FBXO45: variants seen among roughly 807,000 people sequenced by gnomAD.
FBXO45 encodes the protein F-box/SPRY domain-containing protein 1.
FBXO45 carries 3 observed loss-of-function variants against 25.5 expected under a neutral mutation model. That is an observed-to-expected ratio of 0.12 (90% CI 0.05 to 0.30). The LOEUF is 0.30. FBXO45 is among the 10% of genes least tolerant of loss of function. The pLI, the probability that FBXO45 is intolerant of heterozygous loss-of-function variation, is 1.00. For missense variants in FBXO45, 219 were observed against 365.0 expected (o/e 0.60, Z 3.26); for synonymous variants, 155 against 149.8 (o/e 1.03, Z -0.25).
intron 2 of FBXO45, among the ~76,000 whole-genome samples, chr3:196,582,651 G>A (rs1736033183): frequency 6.6e-6 from 1 of 151,446 alleles, no homozygotes; most frequent in Admixed American, 6.6e-5. Flanking sequence ...TTTCCAAATG[G>A]GAAAAAACTG....
intron 1 of FBXO45, among the ~76,000 whole-genome samples, chr3:196,576,452 A>G (rs1445396435): frequency 6.6e-6 from 1 of 152,160 alleles, no homozygotes; most frequent in Non-Finnish European, 1.5e-5. Context: ...GAAGACTGAG[A>G]TGGGAGTATC....
intron 2 of FBXO45, among the ~76,000 whole-genome samples, chr3:196,578,680 C>G (rs1337208077): frequency 6.6e-6 from 1 of 152,094 alleles, no homozygotes; most frequent in African/African-American, 2.4e-5. Flanking sequence ...TGTAGTTTGC[C>G]AGTTCATGCT....
chr3:196,571,408 G>A (rs1456829534), intron 1 of FBXO45, among the ~76,000 whole-genome samples: 2 of 151,868 alleles, frequency 1.3e-5, no homozygotes, highest in African/African-American at 4.8e-5. Flanking sequence ...TTATTTTTTA[G>A]AGACACGGGG....
intron 1 of FBXO45, among the ~76,000 whole-genome samples, chr3:196,572,620 C>T (rs1010323195): frequency 6.6e-6 from 1 of 152,034 alleles, no homozygotes; most frequent in Admixed American, 6.6e-5. Flanking sequence ...GGGACCAAAG[C>T]GTAGGGAAGC....
At position 196,585,402 on chromosome 3, in the gene FBXO45, T is replaced by C. The variant is rs546209199; in HGVS notation, c.*1084T>C. The C allele has an allele frequency of 1.3e-5, 2 of 152,178 alleles. No individual in the cohort carries two copies. The highest frequency in any genetic ancestry group is 2.9e-5 in the Non-Finnish European group (2 of 68,028). 9.4% of individuals were successfully genotyped at this position (152,178 alleles called of 1,614,324 possible). On this transcript the variant is annotated 3_prime_UTR_variant, in exon 3 of 3. Transcript: ENST00000311630. Reference sequence around the variant, plus strand: ...AATGCTGTAGATATTATCAAAAAAATTTTAATTTCATATTGTTTACATCAT... The same window carrying C: ...AATGCTGTAGATATTATCAAAAAAACTTTAATTTCATATTGTTTACATCAT...
rs1346954136 is a variant in FBXO45, at chr3:196,584,387, T to C, written c.*69T>C. On this transcript the variant is annotated 3_prime_UTR_variant, in exon 3 of 3. Transcript: ENST00000311630. The surrounding 1 kb of genome is among the most constrained non-coding windows in gnomAD (Gnocchi z 4.3). ...GCTTATGGGAAGTAGAACCATGAAGTGACTGTCACACATGCATGTCCAAGA... is the reference window on the plus strand; with the variant it reads ...GCTTATGGGAAGTAGAACCATGAAGCGACTGTCACACATGCATGTCCAAGA... 8 of 1,372,208 alleles carry C rather than the reference T, an allele frequency of 5.8e-6. No homozygotes were observed. The highest frequency in any genetic ancestry group is 9.8e-7 in the Non-Finnish European group (1 of 1,017,636). 85.0% of individuals were successfully genotyped at this position (1,372,208 alleles called of 1,614,324 possible).
At chr3:196,572,550 T>TG (rs1312385318) in intron 1 of FBXO45, among the ~76,000 whole-genome samples, 1 of 152,160 alleles carries the variant, frequency 6.6e-6, no homozygotes, top group Non-Finnish European at 1.5e-5. Context: ...TATGTCAATG[T>TG]GGCTGGAGCA....
At chr3:196,573,767 G>A (rs554165726) in intron 1 of FBXO45, among the ~76,000 whole-genome samples, 65 of 151,870 alleles carry the variant, frequency 4.3e-4, no homozygotes, top group Non-Finnish European at 6.6e-4. Flanking sequence ...ATATCACCCC[G>A]TAGCATTAAT....
At chr3:196,573,057 G>A (rs959319426) in intron 1 of FBXO45, among the ~76,000 whole-genome samples, 7 of 152,130 alleles carry the variant, frequency 4.6e-5, no homozygotes, top group African/African-American at 1.7e-4. Context: ...GTGTGGCTGG[G>A]ACTACAGGCA....
Position 196,587,775 on chromosome 3 carries a change from T to C in FBXO45, c.*3457T>C, listed in dbSNP as rs919450204. ...TGAAGAAGTGAGTAATTTGAAGAGA[T>C]AGAAACTTAGGGAGTGGTGTGTGTG... is the stretch of plus-strand genomic sequence containing the variant. On this transcript the variant is annotated 3_prime_UTR_variant, in exon 3 of 3. Coordinates refer to ENST00000311630, the MANE Select transcript of FBXO45 (RefSeq NM_001105573.2). The C allele has an allele frequency of 6.6e-6, 1 of 152,176 alleles. No homozygotes were observed. Among genetic ancestry groups the C allele is most frequent in the Non-Finnish European group, 1.5e-5 (1 of 68,034 alleles). The allele number at this position is 152,176 out of a possible 1,614,324, so 9.4% of individuals were successfully genotyped here.
At chr3:196,571,803 T>C (rs941199356) in intron 1 of FBXO45, among the ~76,000 whole-genome samples, 2 of 152,232 alleles carry the variant, frequency 1.3e-5, no homozygotes, top group African/African-American at 4.8e-5. Context: ...CTATGTGCAT[T>C]ATAGATGTTG....
intron 2 of FBXO45, among the ~76,000 whole-genome samples, chr3:196,583,430 C>T (rs1736051485): frequency 1.3e-5 from 2 of 149,492 alleles, no homozygotes; most frequent in African/African-American, 2.5e-5. Flanking sequence ...GGCATGAACC[C>T]GGGAGGCGGA....
rs749430075 is a variant in FBXO45 at position 196,588,267 on chromosome 3, T to C, written c.*3949T>C. 4 of 152,200 alleles carry C rather than the reference T, an allele frequency of 2.6e-5. No homozygotes were observed. Among genetic ancestry groups the C allele is most frequent in the Admixed American group, 2.0e-4 (3 of 15,272 alleles). 9.4% of individuals were successfully genotyped at this position (152,200 alleles called of 1,614,324 possible). ...TTTTTAGTAGAGGGGGTTTATGCCA[T>C]GTTGGCCAGGCTGGTCTTGAACTCC... On this transcript the variant is annotated 3_prime_UTR_variant, in exon 3 of 3. Transcript: ENST00000311630. This position sits in a 1 kb window ranked among gnomAD's most constrained non-coding sequence, Gnocchi z 4.2.
intron 1 of FBXO45, among the ~76,000 whole-genome samples, chr3:196,575,990 T>A (rs1293773609): frequency 6.6e-6 from 1 of 152,174 alleles, no homozygotes; most frequent in Non-Finnish European, 1.5e-5. Flanking sequence ...TCATTGAATC[T>A]TACGTTTTGG....
rs1736082987 is a variant in FBXO45 at position 196,585,121 on chromosome 3, A to T, written c.*803A>T. ...TTTTACTCTCAAAATCATAGTAAAG[A>T]TCTCTCAGTCTCCTGGCTAAAGATT... is the stretch of plus-strand genomic sequence containing the variant. On this transcript the variant is annotated 3_prime_UTR_variant, in exon 3 of 3. Transcript: ENST00000311630. 1 of 152,196 alleles carries T rather than the reference A, an allele frequency of 6.6e-6. No homozygotes were observed. Among genetic ancestry groups the T allele is most frequent in the Non-Finnish European group, 1.5e-5 (1 of 68,018 alleles). 9.4% of individuals were successfully genotyped at this position (152,196 alleles called of 1,614,324 possible).
chr3:196,572,899 C>T (rs995302356), intron 1 of FBXO45, among the ~76,000 whole-genome samples: 7 of 151,968 alleles, frequency 4.6e-5, no homozygotes, highest in Non-Finnish European at 8.8e-5. Flanking sequence ...TAGTATTTGG[C>T]TCACATAATG....
intron 1 of FBXO45, among the ~76,000 whole-genome samples, chr3:196,576,143 G>T (rs55822180): frequency 1.3e-5 from 2 of 152,170 alleles, no homozygotes; most frequent in African/African-American, 4.8e-5. Context: ...TCACTGAAAC[G>T]GTAGAGTGCC....
At position 196,570,103 on chromosome 3, in the gene FBXO45, C is replaced by G. The variant is rs528937216; in HGVS notation, c.318+801C>G. The stretch of plus-strand genomic sequence containing the variant: ...GTTGTGGTACGGCTGAAAGGACTCT[C>G]AGGCCGAATAAACAAAGGGTCTTGG... On this transcript the variant is annotated intron_variant, in intron 1 of 2. Coordinates refer to ENST00000311630, the MANE Select transcript of FBXO45 (RefSeq NM_001105573.2). 1.1e-4 allele frequency among the ~76,000 whole-genome samples: 17 copies of G among 152,244 alleles called. 1 individual carries two copies. In the South Asian group the frequency reaches 3.3e-3, roughly 30 times the overall value.
rs1244175059 is a variant in FBXO45 at position 196,569,984 on chromosome 3, T to C, written c.318+682T>C. Among the ~76,000 whole-genome samples, 3 of 152,226 alleles carry C rather than the reference T, an allele frequency of 2.0e-5. No individual in the cohort carries two copies. Among genetic ancestry groups the C allele is most frequent in the Non-Finnish European group, 4.4e-5 (3 of 68,036 alleles). Reference sequence around the variant, plus strand: ...CACATTGATGGTGTCTCTCTTTTTCTATTTGTCATCTAACGTGCTGATTAC... The same window carrying C: ...CACATTGATGGTGTCTCTCTTTTTCCATTTGTCATCTAACGTGCTGATTAC... On this transcript the variant is annotated intron_variant, in intron 1 of 2. Transcript: ENST00000311630. The surrounding 1 kb of genome is among the most constrained non-coding windows in gnomAD (Gnocchi z 4.1).
Sources: allele counts gnomAD v4.1 joint callset (sites outside exome capture counted in the v4.1 genomes callset), GRCh38; gene constraint gnomAD v4.1.1; non-coding constraint Gnocchi (gnomAD v3.1); transcripts MANE v1.5; gene names NCBI Gene and HGNC (gene_info 2026-07-23, HGNC 2026-07-21).